The following ZNF485 variants were observed in gnomAD, a reference collection of about 807,000 sequenced individuals.
ZNF485 encodes the protein zinc finger protein 485, also known as Zinc finger protein 93 (Zinc finger protein HTF34).
A neutral mutation model predicts 10.8 loss-of-function variants in ZNF485; 9 were observed. The ratio of observed to expected loss-of-function variants is 0.83; its 90% confidence interval spans 0.50 to 1.45. The LOEUF is 1.45. Among genes scored for constraint, ZNF485 ranks in the 40% most tolerant of loss-of-function variants. The probability of loss-of-function intolerance (pLI) is 0.00; values close to 1 mark genes in which losing one functional copy is unlikely to be tolerated. For missense variants in ZNF485, 487 were observed against 528.0 expected (o/e 0.92, Z 0.76); for synonymous variants, 187 against 181.0 (o/e 1.03, Z -0.27).
At chr10:43,613,329 T>C (rs1248567350) in intron 4 of ZNF485, among the ~76,000 whole-genome samples, 1 of 152,270 alleles carries the variant, frequency 6.6e-6, no homozygotes, top group Non-Finnish European at 1.5e-5. Context: ...TTCATGTGAA[T>C]GGTATCATAT....
At chr10:43,613,830 G>A (rs1838807817) in intron 4 of ZNF485, among the ~76,000 whole-genome samples, 1 of 152,158 alleles carries the variant, frequency 6.6e-6, no homozygotes, top group African/African-American at 2.4e-5. Context: ...CACTTCCTGT[G>A]GTCAATCTTG....
chr10:43,615,622 G>A (rs181355395), intron 4 of ZNF485, among the ~76,000 whole-genome samples: 3 of 152,196 alleles, frequency 2.0e-5, no homozygotes, highest in East Asian at 3.9e-4. Flanking sequence ...GGCTGGGCTC[G>A]AACTCCTGAC....
At chr10:43,608,772 G>T (rs1264529563) in intron 3 of ZNF485, 32 bp downstream of exon 3, 1 of 1,604,658 alleles carries the variant, frequency 6.2e-7, no homozygotes, top group South Asian at 1.1e-5. Context: ...ACTCAGGATT[G>T]GTCTGCTGGG....
intron 4 of ZNF485, among the ~76,000 whole-genome samples, chr10:43,614,869 C>T (rs1239837445): frequency 1.3e-5 from 2 of 151,614 alleles, no homozygotes; most frequent in Non-Finnish European, 2.9e-5. Flanking sequence ...TATTTTTTTT[C>T]TCCTAAAATG....
intron 2 of ZNF485, 77 bp downstream of exon 2, chr10:43,607,151 G>A: frequency 2.6e-6 from 4 of 1,518,016 alleles, no homozygotes; most frequent in Non-Finnish European, 3.6e-6. Context: ...CCCGGACAAT[G>A]CCCTGCCCTG....
intron 2 of ZNF485, 62 bp from the exon 3 acceptor site, chr10:43,608,552 C>T (rs555139654): frequency 9.7e-6 from 15 of 1,548,774 alleles, no homozygotes; most frequent in South Asian, 8.5e-5. Context: ...ACCTTGCTTC[C>T]TTCTCTTGGG....
rs140661694 is a variant in ZNF485 at position 43,606,695 on chromosome 10, G to T, written c.-55+149G>T. The stretch of plus-strand genomic sequence containing the variant: ...AGTGCCCACCCGCAGTGGCTGCGCC[G>T]TGTGGAGCGACCGCTCGAGGCTGGT... On this transcript the variant is annotated intron_variant, in intron 1 of 4. Coordinates refer to ENST00000361807, the MANE Select transcript of ZNF485 (RefSeq NM_145312.4). 2,590 of 391,894 alleles carry T rather than the reference G, an allele frequency of 6.6e-3. 158 individuals carry two copies. The Admixed American group carries it at 0.097, about 15-fold the overall frequency. The allele number at this position is 391,894 out of a possible 1,614,324, so 24.3% of individuals were successfully genotyped here. A position where few individuals can be genotyped will look rare whatever the true frequency, so the allele number is the denominator to read the frequency against.
chr10:43,606,538 C>CTCGGT lies in ZNF485; in HGVS notation c.-55+1_-55+5dup. Reference sequence around the variant, plus strand: ...GCGTGCAGCTCCGCAGCCCTGCCGGCTCGGTTCGGTTCGTGAGCGGCCGGG... The same window carrying CTCGGT: ...GCGTGCAGCTCCGCAGCCCTGCCGGCTCGGTTCGGTTCGGTTCGTGAGCGGCCGGG... On this transcript the variant is annotated 5_prime_UTR_variant, in exon 1 of 5. Transcript: ENST00000361807. 9.5e-6 allele frequency: 3 copies of CTCGGT among 315,528 alleles called. No individual in the cohort carries two copies. In the South Asian group the frequency reaches 1.0e-4, roughly 11 times the overall value. The allele number at this position is 315,528 out of a possible 1,614,324, so 19.5% of individuals were successfully genotyped here.
intron 1 of ZNF485, 76 bp from the exon 2 acceptor site, chr10:43,606,921 G>C (rs1322025096): frequency 2.6e-6 from 3 of 1,170,026 alleles, no homozygotes; most frequent in African/African-American, 1.5e-5. Context: ...GGCGGGCGGG[G>C]ACCTGGTCTA....
chr10:43,609,431 G>A (rs1838724691), intron 4 of ZNF485, 81 bp downstream of exon 4: 1 of 1,108,356 alleles, frequency 9.0e-7, no homozygotes, highest in Admixed American at 2.1e-5. Context: ...TCATCTTTGA[G>A]TGCCCTGTTG....
chr10:43,607,440 T>G, intron 2 of ZNF485: 1 of 289,712 alleles, frequency 3.5e-6, no homozygotes, highest in Non-Finnish European at 6.5e-6. Context: ...TAGTTCTTCC[T>G]GAAGAATAAA....
In ZNF485 at chr10:43,616,815, A is replaced by T. The variant is rs752907749; in HGVS notation, c.772A>T (p.Thr258Ser). 1 of 1,614,076 alleles carries T rather than the reference A, an allele frequency of 6.2e-7. No individual in the cohort carries two copies. The highest frequency in any genetic ancestry group is 8.5e-7 in the Non-Finnish European group (1 of 1,179,970). The change falls in exon 5 of 5, where the codon ACT (threonine) becomes TCT (serine). Residue 258 changes from threonine (T) to serine (S), a missense_variant. Coordinates refer to ENST00000361807, the MANE Select transcript of ZNF485 (RefSeq NM_145312.4). Reference sequence around the variant, plus strand: ...AGCCTTCGCTCAGAATGCAGCTCTTACTCGTCATGAAAGAATACATAGTGG... The same window carrying T: ...AGCCTTCGCTCAGAATGCAGCTCTTTCTCGTCATGAAAGAATACATAGTGG... ...GKAFAQNAAL[T>S]RHERIHSGEK... is the part of the protein sequence containing the mutation.
chr10:43,614,946 A>G (rs113894377), intron 4 of ZNF485, among the ~76,000 whole-genome samples: 1 of 152,300 alleles, frequency 6.6e-6, no homozygotes, highest in African/African-American at 2.4e-5. Context: ...AGAAGTGCCC[A>G]TATGTGTCTT....
At chr10:43,615,719 A>T (rs1326292753) in intron 4 of ZNF485, among the ~76,000 whole-genome samples, 2 of 152,106 alleles carry the variant, frequency 1.3e-5, no homozygotes, top group Non-Finnish European at 2.9e-5. Context: ...GTTGTTTTTT[A>T]GATATGTTAA....
rs138352256 is a variant in ZNF485, at chr10:43,616,681, C to G, written c.638C>G (p.Pro213Arg). The change falls in exon 5 of 5, where the codon CCC (proline) becomes CGC (arginine). Residue 213 changes from proline (P) to arginine (R), a missense_variant. Coordinates refer to ENST00000361807, the MANE Select transcript of ZNF485 (RefSeq NM_145312.4). ...CAGAGAATTCATTCTAGGGAGAAACCCCACAAATGCATTGAATGTGGAAAA... is the reference window on the plus strand; with the variant it reads ...CAGAGAATTCATTCTAGGGAGAAACGCCACAAATGCATTGAATGTGGAAAA... ...NHQRIHSREKPHKCIECGKTF... is the reference protein window; with the variant it reads ...NHQRIHSREKRHKCIECGKTF... 2 of 1,614,078 alleles carry G rather than the reference C, an allele frequency of 1.2e-6. No individual in the cohort carries two copies. The highest frequency in any genetic ancestry group is 1.7e-5 in the Admixed American group (1 of 60,018).
chr10:43,615,649 G>T (rs775276842), intron 4 of ZNF485, among the ~76,000 whole-genome samples: 7 of 152,124 alleles, frequency 4.6e-5, no homozygotes, highest in Non-Finnish European at 1.0e-4. Flanking sequence ...TAATCCACCC[G>T]TCTCGGCCTC....
At position 43,616,566 on chromosome 10, in the gene ZNF485, A is replaced by G. The variant is rs549029634; in HGVS notation, c.523A>G (p.Asn175Asp). The G allele has an allele frequency of 7.9e-5, 128 of 1,614,108 alleles. No homozygotes were observed. The highest frequency in any genetic ancestry group is 1.1e-4 in the Non-Finnish European group (125 of 1,180,048). ...IAFMNSSSLLNHHKVHAGKQP... is the reference protein window; with the variant it reads ...IAFMNSSSLLDHHKVHAGKQP... ...CTTTATGAACAGTTCATCCCTTTTA[A>G]ATCACCATAAGGTTCATGCAGGCAA... is the stretch of plus-strand genomic sequence containing the variant. The change falls in exon 5 of 5, where the codon AAT becomes GAT. Residue 175 changes from asparagine to aspartate, a missense_variant. Coordinates refer to ENST00000361807, the MANE Select transcript of ZNF485 (RefSeq NM_145312.4).
chr10:43,613,677 T>C (rs901978229), intron 4 of ZNF485, among the ~76,000 whole-genome samples: 2 of 152,242 alleles, frequency 1.3e-5, no homozygotes, highest in Non-Finnish European at 2.9e-5. Context: ...TATACTTTAT[T>C]TTTTGGTTCC....
At chr10:43,616,235 CTCACTT>C in intron 4 of ZNF485, 50 bp from the exon 5 acceptor site, 3 of 1,397,126 alleles carry the variant, frequency 2.1e-6, no homozygotes, top group Non-Finnish European at 2.9e-6. Flanking sequence ...TTGCACAACT[CTCACTT>C]TCAGCATTTC....
Sources: allele counts gnomAD v4.1 joint callset (sites outside exome capture counted in the v4.1 genomes callset), GRCh38; gene constraint gnomAD v4.1.1; transcripts MANE v1.5; gene names NCBI Gene and HGNC (gene_info 2026-07-23, HGNC 2026-07-21).